DENND1A: variants seen among roughly 807,000 people sequenced by gnomAD.
The protein encoded by DENND1A is DENN domain-containing protein 1A.
DENND1A carries 51 observed loss-of-function variants against 113.7 expected under a neutral mutation model. That is an observed-to-expected ratio of 0.45 (90% CI 0.36 to 0.57). The LOEUF (loss-of-function observed/expected upper bound fraction) is 0.57, where lower values mean the gene tolerates loss of function less well. Ranked by LOEUF, DENND1A falls within the 20% of genes least tolerant of loss-of-function variation. The pLI, the probability that DENND1A is intolerant of heterozygous loss-of-function variation, is 0.00. For synonymous variants in DENND1A, 565 were observed against 570.8 expected (o/e 0.99, Z 0.14); for missense variants, 1,258 against 1,395.9 (o/e 0.90, Z 1.57).
chr9:123,466,085 C>T (rs2048924206), intron 13 of DENND1A, among the ~76,000 whole-genome samples: 2 of 152,154 alleles, frequency 1.3e-5, no homozygotes, highest in East Asian at 3.8e-4. Context: ...ACTACAAGCT[C>T]CACCTCAGGT....
chr9:123,477,321 C>T (rs773197870), intron 13 of DENND1A, among the ~76,000 whole-genome samples: 11 of 151,956 alleles, frequency 7.2e-5, no homozygotes, highest in Admixed American at 2.0e-4. Flanking sequence ...TGGGCCAAGG[C>T]GGGAGAATTG....
intron 15 of DENND1A, among the ~76,000 whole-genome samples, chr9:123,456,432 G>A (rs1303390873): frequency 6.6e-6 from 1 of 152,176 alleles, no homozygotes; most frequent in African/African-American, 2.4e-5. Flanking sequence ...GGCCTTAGAT[G>A]CCTCCTCTGA....
chr9:123,453,479 T>G (rs1588610234), intron 16 of DENND1A, among the ~76,000 whole-genome samples: 1 of 151,990 alleles, frequency 6.6e-6, no homozygotes, highest in Non-Finnish European at 1.5e-5. Flanking sequence ...CTCCCATGAG[T>G]GTATCATCAG....
chr9:123,616,539 A>C (rs940848945), intron 10 of DENND1A, among the ~76,000 whole-genome samples: 3 of 152,228 alleles, frequency 2.0e-5, no homozygotes, highest in Non-Finnish European at 1.5e-5. Flanking sequence ...GCAACATAGC[A>C]ACAAAAGTAT....
At position 123,429,482 on chromosome 9, in the gene DENND1A, G is replaced by C. The variant is rs138372635; in HGVS notation, c.1488+10878C>G. 6.5e-4 allele frequency among the ~76,000 whole-genome samples: 99 copies of C among 152,272 alleles called. 2 individuals carry two copies. The highest frequency in any genetic ancestry group is 2.3e-3 in the African/African-American group (95 of 41,546). On this transcript the variant is annotated intron_variant, in intron 19 of 23. Transcript: ENST00000394215. ...AGGTATGAGAATCGCTTGAACCTGG[G>C]ATGTGGAGGTTGCAGTGAGCCGAGA...
intron 8 of DENND1A, 58 bp from the exon 9 acceptor site, chr9:123,652,181 G>C: frequency 7.5e-7 from 1 of 1,336,994 alleles, no homozygotes; most frequent in Non-Finnish European, 1.1e-6. Flanking sequence ...TATTATAACT[G>C]TATCTAATAA....
chr9:123,522,984 T>C (rs989178830), intron 13 of DENND1A, among the ~76,000 whole-genome samples: 1 of 152,214 alleles, frequency 6.6e-6, no homozygotes, highest in Non-Finnish European at 1.5e-5. Context: ...GAGCTCTCTT[T>C]TCCTTCCAAA....
At chr9:123,848,228 TAAAAAAAAAAAAAA>T (rs375535777) in intron 2 of DENND1A, among the ~76,000 whole-genome samples, 5 of 60,498 alleles carry the variant, frequency 8.3e-5, no homozygotes, top group Non-Finnish European at 1.2e-4. Flanking sequence ...GATACTGCTT[TAAAAAAAAAAAAAA>T]AAAAAAAAAA....
At chr9:123,676,848 G>T in intron 5 of DENND1A, 59 bp from the exon 6 acceptor site, 2 of 1,505,590 alleles carry the variant, frequency 1.3e-6, no homozygotes, top group Non-Finnish European at 1.8e-6. Context: ...ACTTTAACCA[G>T]GATCTAATTC....
At chr9:123,791,006 C>T (rs1186879132) in intron 3 of DENND1A, among the ~76,000 whole-genome samples, 2 of 151,994 alleles carry the variant, frequency 1.3e-5, no homozygotes, top group African/African-American at 4.8e-5. Flanking sequence ...GAACATATTA[C>T]CCATGCAGTT....
intron 13 of DENND1A, among the ~76,000 whole-genome samples, chr9:123,533,019 G>T (rs2808407): frequency 0.33 from 50,089 of 152,096 alleles, 8,596 homozygotes; most frequent in African/African-American, 0.41. Context: ...AGTACACATA[G>T]GACATTTTAT....
intron 5 of DENND1A, among the ~76,000 whole-genome samples, chr9:123,685,497 T>C (rs572181467): frequency 6.6e-6 from 1 of 152,324 alleles, no homozygotes; most frequent in South Asian, 2.1e-4. Flanking sequence ...CCATAAAACA[T>C]CTGTGCTTAT....
chr9:123,571,244 A>C (rs1211984620), intron 12 of DENND1A, among the ~76,000 whole-genome samples: 1 of 152,240 alleles, frequency 6.6e-6, no homozygotes, highest in Non-Finnish European at 1.5e-5. Flanking sequence ...AAAGCTACTT[A>C]ATATTGGAAC....
chr9:123,406,157 C>T (rs1257742132), intron 20 of DENND1A, among the ~76,000 whole-genome samples: 1 of 152,248 alleles, frequency 6.6e-6, no homozygotes, highest in Non-Finnish European at 1.5e-5. Context: ...AAAGACAAGT[C>T]TTTACAGAGT....
At chr9:123,796,304 C>G (rs1469901983) in intron 2 of DENND1A, among the ~76,000 whole-genome samples, 1 of 152,158 alleles carries the variant, frequency 6.6e-6, no homozygotes, top group South Asian at 2.1e-4. Context: ...TATTTGAACA[C>G]ACACATTTCA....
At position 123,572,945 on chromosome 9, in the gene DENND1A, A is replaced by C. The variant is rs73578190; in HGVS notation, c.867+10224T>G. Among the ~76,000 whole-genome samples, 874 of 151,954 alleles carry C rather than the reference A, an allele frequency of 5.8e-3. 10 individuals carry two copies. Among genetic ancestry groups the C allele is most frequent in the African/African-American group, 0.02 (831 of 41,458 alleles). On this transcript the variant is annotated intron_variant, in intron 12 of 23. Coordinates refer to ENST00000394215, the MANE Select transcript of DENND1A (RefSeq NM_001352964.2). ...TTTTTGCTTCTATTTTTAGGTCTAT[A>C]GTCTATTTTGAGCTAATATTTGCAT...
intron 1 of DENND1A, among the ~76,000 whole-genome samples, chr9:123,909,932 T>C (rs768769832): frequency 2.0e-5 from 3 of 151,868 alleles, no homozygotes; most frequent in Non-Finnish European, 4.4e-5. Context: ...CCATTTACAA[T>C]AGTATGGGAA....
chr9:123,901,679 CT>C (rs1464341833), intron 1 of DENND1A, among the ~76,000 whole-genome samples: 12 of 152,176 alleles, frequency 7.9e-5, no homozygotes, highest in African/African-American at 2.9e-4. Context: ...ACCTTCTAAT[CT>C]TCTGATGCTA....
intron 3 of DENND1A, among the ~76,000 whole-genome samples, chr9:123,783,207 G>T (rs1831589167): frequency 6.6e-6 from 1 of 152,120 alleles, no homozygotes; most frequent in Non-Finnish European, 1.5e-5. Context: ...CATTTAAAGG[G>T]TTTTTATATT....
Sources: allele counts gnomAD v4.1 joint callset (sites outside exome capture counted in the v4.1 genomes callset), GRCh38; gene constraint gnomAD v4.1.1; transcripts MANE v1.5; gene names NCBI Gene and HGNC (gene_info 2026-07-23, HGNC 2026-07-21).